Variants in KCNT1 observed in about 807,000 individuals in gnomAD.
KCNT1 encodes potassium channel subfamily T member 1.
In KCNT1, 78 loss-of-function variants were observed where a neutral mutation model predicts 147.8. The ratio of observed to expected loss-of-function variants is 0.53; its 90% confidence interval spans 0.44 to 0.64. The LOEUF (loss-of-function observed/expected upper bound fraction) is 0.64. Ranked by LOEUF, KCNT1 falls within the 30% of genes least tolerant of loss-of-function variation. The pLI, the probability that KCNT1 is intolerant of heterozygous loss-of-function variation, is 0.00. For missense variants in KCNT1, 1,419 were observed against 1,750.3 expected (o/e 0.81, Z 3.38); for synonymous variants, 867 against 748.8 (o/e 1.16, Z -2.58).
At position 135,792,826 on chromosome 9, in the gene KCNT1, C is replaced by T. The variant is rs1018204120; in HGVS notation, c.*665C>T. On this transcript the variant is annotated 3_prime_UTR_variant, in exon 31 of 31. Transcript: ENST00000371757. ...CCTTTCTGAAGGAAGCAGAAGACGC[C>T]ATTTCCTCTACTTCACACTGAACTG... is the stretch of plus-strand genomic sequence containing the variant. 2.0e-5 allele frequency: 3 copies of T among 152,238 alleles called. No individual in the cohort carries two copies. Among genetic ancestry groups the T allele is most frequent in the Non-Finnish European group, 2.9e-5 (2 of 68,086 alleles). The allele number at this position is 152,238 out of a possible 1,614,324, so 9.4% of individuals were successfully genotyped here.
chr9:135,778,885 C>T (rs1833374734), intron 23 of KCNT1, 63 bp downstream of exon 23: 2 of 1,582,204 alleles, frequency 1.3e-6, no homozygotes, highest in Admixed American at 1.7e-5. Flanking sequence ...GGGCCCTCGC[C>T]CTGAGACCCC....
intron 22 of KCNT1, 90 bp from the exon 23 acceptor site, chr9:135,778,598 A>G: frequency 6.2e-7 from 1 of 1,601,846 alleles, no homozygotes; most frequent in Middle Eastern, 1.7e-4. Context: ...TGGGGGGCTG[A>G]GGTCCTCCTG....
chr9:135,758,900 C>T (rs113114168), intron 10 of KCNT1, among the ~76,000 whole-genome samples: 1 of 151,602 alleles, frequency 6.6e-6, no homozygotes, highest in Non-Finnish European at 1.5e-5. Context: ...GGCCTCCAGC[C>T]CACCCAGGCA....
At chr9:135,786,609 G>A (rs1433591458) in intron 29 of KCNT1, 88 bp downstream of exon 29, 36 of 1,276,588 alleles carry the variant, frequency 2.8e-5, no homozygotes, top group South Asian at 6.2e-5. Context: ...ACGGCGTCCC[G>A]GGGCCCGGGC....
intron 19 of KCNT1, among the ~76,000 whole-genome samples, chr9:135,774,065 GGT>G (rs1020258080): frequency 2.6e-4 from 39 of 152,032 alleles, no homozygotes; most frequent in Admixed American, 2.4e-3. Flanking sequence ...TTATGTGTGT[GGT>G]GTGTGTCCAT....
At position 135,714,589 on chromosome 9, in the gene KCNT1, G is replaced by A. The variant is rs1352859989; in HGVS notation, c.123G>A (p.Ala41=). ...CGTGTGCCCGCAGGCGGCCCTGCGCGGGGGACGGCGCGCTCCTGGACACCG... is the reference window on the plus strand; with the variant it reads ...CGTGTGCCCGCAGGCGGCCCTGCGCAGGGGACGGCGCGCTCCTGGACACCG... ...DGQCAPRRPC[A]GDGALLDTAG... The change falls in exon 2 of 31, where the codon GCG becomes GCA. Residue 41 remains alanine (A), a synonymous_variant. Coordinates refer to ENST00000371757, the MANE Select transcript of KCNT1 (RefSeq NM_020822.3). The surrounding 1 kb of genome is among the most constrained non-coding windows in gnomAD (Gnocchi z 6.2). The A allele has an allele frequency of 1.5e-6, 2 of 1,378,784 alleles. No homozygotes were observed. The highest frequency in any genetic ancestry group is 1.5e-5 in the African/African-American group (1 of 65,888). The allele number at this position is 1,378,784 out of a possible 1,614,324, so 85.4% of individuals were successfully genotyped here. A position where few individuals can be genotyped will look rare whatever the true frequency, so the allele number is the denominator to read the frequency against.
At chr9:135,770,622 C>T (rs1359702270) in intron 17 of KCNT1, among the ~76,000 whole-genome samples, 175 bp downstream of exon 17, 1 of 152,206 alleles carries the variant, frequency 6.6e-6, no homozygotes, top group African/African-American at 2.4e-5. Context: ...GCTCCGGGTC[C>T]ACATAAAAAC....
intron 11 of KCNT1, among the ~76,000 whole-genome samples, chr9:135,764,248 G>C (rs1010678832): frequency 1.3e-5 from 2 of 152,102 alleles, no homozygotes; most frequent in African/African-American, 4.8e-5. Context: ...TTGAGCCCAG[G>C]AGTTCGAGAC....
At chr9:135,753,783 T>C (rs1831325223) in intron 4 of KCNT1, 154 bp from the exon 5 acceptor site, 4 of 709,754 alleles carry the variant, frequency 5.6e-6, no homozygotes, top group East Asian at 2.6e-5. Flanking sequence ...GGCTGCCTTG[T>C]CTCCCAGGTG....
intron 1 of KCNT1, 101 bp downstream of exon 1, chr9:135,702,469 C>CGT: frequency 1.0e-6 from 1 of 969,094 alleles, no homozygotes; most frequent in Non-Finnish European, 1.6e-6. Context: ...CCCGCCATTC[C>CGT]CAGGGCCATC....
Position 135,714,749 on chromosome 9 carries a change from G to T in KCNT1, c.254+29G>T. 1.6e-6 allele frequency: 2 copies of T among 1,240,600 alleles called. No individual in the cohort carries two copies. The highest frequency in any genetic ancestry group is 2.0e-6 in the Non-Finnish European group (2 of 976,848). 76.8% of individuals were successfully genotyped at this position (1,240,600 alleles called of 1,614,324 possible). A position where few individuals can be genotyped will look rare whatever the true frequency, so the allele number is the denominator to read the frequency against. ...GGGACCGGGCGCGGGGTGGGGGCTGGGGTCGCCGTCCCGGCGCCGCCGCAC... is the reference window on the plus strand; with the variant it reads ...GGGACCGGGCGCGGGGTGGGGGCTGTGGTCGCCGTCCCGGCGCCGCCGCAC... On this transcript the variant is annotated intron_variant, in intron 2 of 30. Coordinates refer to ENST00000371757, the MANE Select transcript of KCNT1 (RefSeq NM_020822.3). This position sits in a 1 kb window ranked among gnomAD's most constrained non-coding sequence, Gnocchi z 6.2.
chr9:135,761,487 C>T (rs1298398789), intron 11 of KCNT1, among the ~76,000 whole-genome samples: 1 of 152,262 alleles, frequency 6.6e-6, no homozygotes, highest in Non-Finnish European at 1.5e-5. Context: ...CTCCTCGGCC[C>T]TCCTGCCCCA....
intron 6 of KCNT1, 146 bp downstream of exon 6, chr9:135,755,315 G>A: frequency 3.4e-6 from 2 of 593,832 alleles, no homozygotes; most frequent in Non-Finnish European, 5.5e-6. Context: ...ACAAACCCAG[G>A]CTCAGTGAGC....
chr9:135,786,109 A>C (rs1588406957), intron 28 of KCNT1, 88 bp from the exon 29 acceptor site: 2 of 1,241,780 alleles, frequency 1.6e-6, no homozygotes, highest in Non-Finnish European at 2.3e-6. Flanking sequence ...TGCAGAGCCC[A>C]CACCTCTTCC....
intron 11 of KCNT1, among the ~76,000 whole-genome samples, chr9:135,760,085 G>A (rs1046367179): frequency 1.3e-5 from 2 of 152,158 alleles, no homozygotes; most frequent in South Asian, 2.1e-4. Context: ...CCGTGAGCTG[G>A]CCTCTTCCTT....
chr9:135,770,855 A>G lies in KCNT1; in HGVS notation c.1770-2A>G. 1 of 1,564,006 alleles carries G rather than the reference A, an allele frequency of 6.4e-7. No individual in the cohort carries two copies. Among genetic ancestry groups the G allele is most frequent in the Non-Finnish European group, 8.7e-7 (1 of 1,153,274 alleles). On this transcript the variant is annotated splice_acceptor_variant, in intron 17 of 30. Transcript: ENST00000371757. LOFTEE classifies it high-confidence loss of function. ...CCTGAAGTTGCCGGTGCCTCTGCCCAGGTATGGCGTGTGCCTCATCGGGCT... is the reference window on the plus strand; with the variant it reads ...CCTGAAGTTGCCGGTGCCTCTGCCCGGGTATGGCGTGTGCCTCATCGGGCT...
chr9:135,786,677 C>G (rs532142561), intron 29 of KCNT1, among the ~76,000 whole-genome samples, 156 bp downstream of exon 29: 1 of 152,384 alleles, frequency 6.6e-6, no homozygotes, highest in East Asian at 1.9e-4. Context: ...CTCTGCCTGC[C>G]TCTACTGTGG....
At chr9:135,767,533 C>T (rs561604861) in intron 13 of KCNT1, among the ~76,000 whole-genome samples, 10 of 152,200 alleles carry the variant, frequency 6.6e-5, no homozygotes, top group Non-Finnish European at 1.5e-4. Context: ...GGCCAGGGAG[C>T]GGACAGGGTC....
chr9:135,762,237 A>C (rs1831964829), intron 11 of KCNT1, among the ~76,000 whole-genome samples: 1 of 152,174 alleles, frequency 6.6e-6, no homozygotes, highest in Non-Finnish European at 1.5e-5. Flanking sequence ...TGAGCCCAGG[A>C]ATTTGAGATC....
Sources: gnomAD v4.1 joint callset for allele counts (sites outside exome capture counted in the v4.1 genomes callset) on GRCh38, gnomAD v4.1.1 for gene constraint, Gnocchi (gnomAD v3.1) non-coding constraint, MANE v1.5 for transcripts, NCBI Gene and HGNC (gene_info 2026-07-23, HGNC 2026-07-21) for gene names.